Variants in CADM2 observed in about 807,000 individuals in gnomAD.
CADM2 encodes the protein cell adhesion molecule 2, also known as immunoglobulin superfamily member 4D.
In CADM2, 12 loss-of-function variants were observed where a neutral mutation model predicts 49.8. The ratio of observed to expected loss-of-function variants is 0.24; its 90% CI spans 0.15 to 0.39. The LOEUF is 0.39. Ranked by LOEUF, CADM2 falls within the 10% of genes least tolerant of loss-of-function variation. CADM2 has a pLI of 1.00. For missense variants in CADM2, 378 were observed against 492.3 expected (o/e 0.77, Z 2.20); for synonymous variants, 214 against 175.4 (o/e 1.22, Z -1.74).
chr3:85,578,385 G>A (rs1222843956), intron 1 of CADM2, among the ~76,000 whole-genome samples: 2 of 152,276 alleles, frequency 1.3e-5, no homozygotes, highest in East Asian at 1.9e-4. Context: ...AGTAGGCGCT[G>A]GATTTTCTCT....
At chr3:85,622,012 A>G (rs9864315) in intron 1 of CADM2, among the ~76,000 whole-genome samples, 7,271 of 152,304 alleles carry the variant, frequency 0.048, 592 homozygotes, top group African/African-American at 0.17. Flanking sequence ...TAAAATTGGC[A>G]GATGAAAATG....
chr3:85,389,759 A>C (rs911638667), intron 1 of CADM2, among the ~76,000 whole-genome samples: 10 of 152,074 alleles, frequency 6.6e-5, no homozygotes, highest in African/African-American at 2.4e-4. Context: ...ATGTGTGTGC[A>C]ATCAAATGGA....
intron 1 of CADM2, among the ~76,000 whole-genome samples, chr3:85,294,576 T>C (rs950130478): frequency 6.6e-6 from 1 of 152,072 alleles, no homozygotes; most frequent in Non-Finnish European, 1.5e-5. Flanking sequence ...AGCATGGTAC[T>C]GGTACCAAAA....
At chr3:85,318,542 A>G (rs763937584) in intron 1 of CADM2, among the ~76,000 whole-genome samples, 29 of 152,186 alleles carry the variant, frequency 1.9e-4, no homozygotes, top group Admixed American at 6.5e-5. Context: ...TAAAAGATAG[A>G]TTACCTACAA....
chr3:85,434,348 A>C (rs2107528516), intron 1 of CADM2, among the ~76,000 whole-genome samples: 1 of 151,928 alleles, frequency 6.6e-6, no homozygotes, highest in East Asian at 1.9e-4. Flanking sequence ...TACATGTGAG[A>C]GCACCAAACT....
chr3:85,428,662 A>G (rs2036530456), intron 1 of CADM2, among the ~76,000 whole-genome samples: 1 of 145,576 alleles, frequency 6.9e-6, no homozygotes, highest in Non-Finnish European at 1.5e-5. Context: ...AATATATAAT[A>G]TATCATATAT....
intron 1 of CADM2, among the ~76,000 whole-genome samples, chr3:85,434,872 T>C (rs1039920774): frequency 1.3e-5 from 2 of 152,104 alleles, no homozygotes; most frequent in African/African-American, 2.4e-5. Context: ...CTGAGTCGCT[T>C]TGACTGTTGG....
At chr3:85,575,336 G>A (rs1226528464) in intron 1 of CADM2, among the ~76,000 whole-genome samples, 1 of 152,164 alleles carries the variant, frequency 6.6e-6, no homozygotes, top group African/African-American at 2.4e-5. Flanking sequence ...TGGATCACAA[G>A]GTCAGGAGAT....
chr3:86,066,357 A>T (rs1739332077), intron 9 of CADM2, among the ~76,000 whole-genome samples: 2 of 150,294 alleles, frequency 1.3e-5, no homozygotes, highest in Non-Finnish European at 3.0e-5. Flanking sequence ...AAAAAAAAAA[A>T]AGATCTTAAC....
At chr3:85,602,350 T>C (rs906164451) in intron 1 of CADM2, among the ~76,000 whole-genome samples, 1 of 151,940 alleles carries the variant, frequency 6.6e-6, no homozygotes, top group Non-Finnish European at 1.5e-5. Context: ...TTTTACTCAA[T>C]GGAGTTCTAG....
chr3:85,878,509 G>A (rs970208823), intron 3 of CADM2, among the ~76,000 whole-genome samples: 4 of 151,948 alleles, frequency 2.6e-5, no homozygotes, highest in African/African-American at 7.2e-5. Context: ...TTTTTCCTCA[G>A]GATTCCAAAC....
At chr3:85,248,330 AG>A (rs1024135153) in intron 1 of CADM2, among the ~76,000 whole-genome samples, 60 of 152,148 alleles carry the variant, frequency 3.9e-4, no homozygotes, top group African/African-American at 1.4e-3. Context: ...GCTGGAGTGA[AG>A]TGGCCTGATC....
At chr3:85,730,023 C>A (rs1354153685) in intron 2 of CADM2, among the ~76,000 whole-genome samples, 1 of 152,158 alleles carries the variant, frequency 6.6e-6, no homozygotes, top group East Asian at 1.9e-4. Context: ...GTCCAATTTT[C>A]TAAGTTTAAA....
intron 2 of CADM2, among the ~76,000 whole-genome samples, chr3:85,763,023 C>A (rs1208569151): frequency 6.6e-6 from 1 of 152,024 alleles, no homozygotes; most frequent in Admixed American, 6.6e-5. Flanking sequence ...AAAGCTATAA[C>A]ACACATTCCT....
At chr3:85,860,443 C>T (rs2075483693) in intron 3 of CADM2, among the ~76,000 whole-genome samples, 1 of 152,052 alleles carries the variant, frequency 6.6e-6, no homozygotes, top group Non-Finnish European at 1.5e-5. Context: ...ATGGGAATTT[C>T]AATACTAAAT....
intron 1 of CADM2, among the ~76,000 whole-genome samples, chr3:85,113,053 T>A (rs2038518516): frequency 6.6e-6 from 1 of 152,082 alleles, no homozygotes; most frequent in Non-Finnish European, 1.5e-5. Context: ...ACAAAATTTT[T>A]GTTTCAGTCA....
intron 8 of CADM2, among the ~76,000 whole-genome samples, chr3:85,963,508 A>C (rs753697999): frequency 4.0e-5 from 6 of 151,894 alleles, no homozygotes; most frequent in African/African-American, 1.4e-4. Context: ...AGTGTAGTCT[A>C]TCTGATTCAC....
At chr3:85,969,477 G>A (rs916871761) in intron 8 of CADM2, among the ~76,000 whole-genome samples, 4 of 151,276 alleles carry the variant, frequency 2.6e-5, no homozygotes, top group Non-Finnish European at 5.9e-5. Flanking sequence ...CAGATTAAAA[G>A]GGATTTCTCA....
At chr3:85,090,017 TTTAG>T (rs1445357380) in intron 1 of CADM2, among the ~76,000 whole-genome samples, 1 of 152,186 alleles carries the variant, frequency 6.6e-6, no homozygotes, top group African/African-American at 2.4e-5. Context: ...TTAACCTTCT[TTTAG>T]TTAATCTCAA....
Sources: allele counts gnomAD v4.1 joint callset (sites outside exome capture counted in the v4.1 genomes callset), GRCh38; gene constraint gnomAD v4.1.1; transcripts MANE v1.5; gene names NCBI Gene and HGNC (gene_info 2026-07-23, HGNC 2026-07-21).